CLOCK: variants seen among roughly 807,000 people sequenced by gnomAD.
CLOCK encodes clock circadian regulator, also known as circadian locomoter output cycles protein kaput.
In CLOCK, 43 loss-of-function variants were observed where a neutral mutation model predicts 118.4. The observed-to-expected ratio is 0.36, with a 90% CI of 0.28 to 0.47. The LOEUF (loss-of-function observed/expected upper bound fraction) is 0.47. Among genes scored for constraint, CLOCK ranks in the 20% least tolerant of loss-of-function variants. CLOCK has a pLI of 1.00. For synonymous variants in CLOCK, 326 were observed against 339.2 expected, an observed-to-expected ratio of 0.96 and a Z score of 0.43; for missense variants, 846 against 999.9, an observed-to-expected ratio of 0.85 and a Z score of 2.08.
At chr4:55,461,041 G>A (rs1194007860) in intron 9 of CLOCK, among the ~76,000 whole-genome samples, 1 of 151,636 alleles carries the variant, frequency 6.6e-6, no homozygotes, top group East Asian at 1.9e-4. Context: ...CTCCAGCTCA[G>A]CCTCGAGTAG....
At chr4:55,447,265 AC>A (rs1213450597) in intron 18 of CLOCK, among the ~76,000 whole-genome samples, 1 of 151,994 alleles carries the variant, frequency 6.6e-6, no homozygotes, top group Non-Finnish European at 1.5e-5. Flanking sequence ...TACTCGGGAG[AC>A]TGAGGCGGGA....
intron 1 of CLOCK, among the ~76,000 whole-genome samples, chr4:55,542,697 T>C (rs1235484879): frequency 6.6e-5 from 10 of 152,050 alleles, no homozygotes; most frequent in Non-Finnish European, 2.9e-5. Context: ...TTCTCTCCTT[T>C]TCCCTTCAAA....
At chr4:55,504,024 C>T (rs191432114) in intron 2 of CLOCK, among the ~76,000 whole-genome samples, 256 of 141,912 alleles carry the variant, frequency 1.8e-3, no homozygotes, top group African/African-American at 5.8e-3. Context: ...GTGGCTCACG[C>T]CTGTAATCCC....
intron 2 of CLOCK, among the ~76,000 whole-genome samples, chr4:55,505,148 C>CT (rs113892817): frequency 0.018 from 2,344 of 128,538 alleles, 65 homozygotes; most frequent in African/African-American, 0.057. Flanking sequence ...CTCTGTCCCC[C>CT]TCACCCCCCC....
intron 1 of CLOCK, among the ~76,000 whole-genome samples, chr4:55,512,293 G>A (rs988588685): frequency 2.0e-5 from 3 of 152,208 alleles, no homozygotes; most frequent in Middle Eastern, 3.4e-3. Flanking sequence ...TATGTATGTA[G>A]TAGTATCTCA....
chr4:55,453,479 CAA>C, intron 14 of CLOCK, 196 bp downstream of exon 14: 3 of 499,570 alleles, frequency 6.0e-6, no homozygotes, highest in Non-Finnish European at 1.0e-5. Flanking sequence ...AAATTTATAT[CAA>C]GACTTATATA....
chr4:55,519,117 T>C (rs1217524483), intron 1 of CLOCK, among the ~76,000 whole-genome samples: 1 of 152,108 alleles, frequency 6.6e-6, no homozygotes, highest in Non-Finnish European at 1.5e-5. Context: ...AATGGAGCAA[T>C]CATAATTGAC....
chr4:55,522,362 C>T (rs1461412055), intron 1 of CLOCK, among the ~76,000 whole-genome samples: 1 of 151,602 alleles, frequency 6.6e-6, no homozygotes, highest in Non-Finnish European at 1.5e-5. Flanking sequence ...CAAAATATCC[C>T]ATAAACAAAT....
In CLOCK at chr4:55,444,725, T is replaced by C; in HGVS notation, c.1600A>G (p.Thr534Ala). ...TGAATATTTGCTTCTATCATGCGTG[T>C]CCGTTGTTCCAATTGGTCTTTCAGA... is the stretch of plus-strand genomic sequence containing the variant. ...QHLKDQLEQR[T>A]RMIEANIHRQ... The change falls in exon 19 of 23, where the codon ACA (threonine) becomes GCA (alanine). Residue 534 changes from threonine (T) to alanine (A), a missense_variant. By Grantham distance (58) the Thr-to-Ala change is moderately conservative. Transcript: ENST00000513440. The C allele has an allele frequency of 6.2e-7, 1 of 1,614,114 alleles. No homozygotes were observed. The highest frequency in any genetic ancestry group is 8.5e-7 in the Non-Finnish European group (1 of 1,180,012).
intron 18 of CLOCK, among the ~76,000 whole-genome samples, 178 bp downstream of exon 18, chr4:55,448,601 C>CGCGTGTGTGTGTGT (rs764071880): frequency 8.5e-6 from 1 of 116,980 alleles, no homozygotes; most frequent in Non-Finnish European, 1.8e-5. Context: ...CGCACGCGCG[C>CGCGTGTGTGTGTGT]GTGTGTGTGT....
chr4:55,448,939 CA>C, intron 17 of CLOCK, 71 bp from the exon 18 acceptor site: 25 of 1,151,506 alleles, frequency 2.2e-5, no homozygotes, highest in Non-Finnish European at 3.1e-5. Context: ...GCAGAAATAT[CA>C]ATATGATATT....
At chr4:55,442,928 A>G (rs1289924254) in intron 20 of CLOCK, among the ~76,000 whole-genome samples, 5 of 152,124 alleles carry the variant, frequency 3.3e-5, no homozygotes, top group South Asian at 2.1e-4. Flanking sequence ...GTGAATGACT[A>G]ATTAGTGGGC....
At chr4:55,530,512 T>C (rs1203316118) in intron 1 of CLOCK, among the ~76,000 whole-genome samples, 1 of 152,024 alleles carries the variant, frequency 6.6e-6, no homozygotes, top group East Asian at 1.9e-4. Context: ...CAGTGGCTCA[T>C]GCATATAATC....
intron 1 of CLOCK, among the ~76,000 whole-genome samples, chr4:55,533,886 G>C (rs1305468702): frequency 1.3e-5 from 2 of 152,304 alleles, no homozygotes; most frequent in African/African-American, 2.4e-5. Flanking sequence ...CTGGGCAACA[G>C]AGTGAGACTC....
At chr4:55,509,733 C>G (rs748558149) in intron 2 of CLOCK, among the ~76,000 whole-genome samples, 179 bp downstream of exon 2, 9 of 152,086 alleles carry the variant, frequency 5.9e-5, no homozygotes, top group Non-Finnish European at 1.2e-4. Flanking sequence ...TTATTTTTCC[C>G]AATAAATAAC....
At chr4:55,448,594 ACGCG>A (rs1553891178) in intron 18 of CLOCK, among the ~76,000 whole-genome samples, 181 bp downstream of exon 18, 9 of 81,342 alleles carry the variant, frequency 1.1e-4, no homozygotes, top group African/African-American at 3.6e-4. Context: ...GCGCGCGCGC[ACGCG>A]CGCGTGTGTG....
rs765289673 is a variant in CLOCK at position 55,450,235 on chromosome 4, A to T, written c.1207-3T>A. 6.2e-7 allele frequency: 1 copy of T among 1,613,940 alleles called. No homozygotes were observed. Among genetic ancestry groups the T allele is most frequent in the Non-Finnish European group, 8.5e-7 (1 of 1,179,886 alleles). On this transcript the variant is annotated splice_region_variant and splice_polypyrimidine_tract_variant and intron_variant, in intron 15 of 22. Transcript: ENST00000513440. ...TTATCTGACCCAGAATCTTGGCTCT[A>T]TGGAGACAGAGTAAAATAAATGTTT...
At chr4:55,524,669 A>G (rs552047376) in intron 1 of CLOCK, among the ~76,000 whole-genome samples, 8 of 152,306 alleles carry the variant, frequency 5.3e-5, no homozygotes, top group African/African-American at 1.7e-4. Flanking sequence ...CTATTGGACA[A>G]TGATGGTCCA....
intron 13 of CLOCK, among the ~76,000 whole-genome samples, chr4:55,455,115 C>G: frequency 6.6e-6 from 1 of 152,216 alleles, no homozygotes; most frequent in East Asian, 1.9e-4. Context: ...ATGAAAAGGT[C>G]TAAAATATCT....
Sources: gnomAD v4.1 joint callset for allele counts (sites outside exome capture counted in the v4.1 genomes callset) on GRCh38, gnomAD v4.1.1 for gene constraint, MANE v1.5 for transcripts, NCBI Gene and HGNC (gene_info 2026-07-23, HGNC 2026-07-21) for gene names.